RIMS4: variants seen among roughly 807,000 people sequenced by gnomAD.
The protein encoded by RIMS4 is regulating synaptic membrane exocytosis 4, also known as regulating synaptic membrane exocytosis protein 4.
In RIMS4, 9 loss-of-function variants were observed where a neutral mutation model predicts 29.0. That is an observed-to-expected ratio of 0.31 (90% CI 0.19 to 0.54). The LOEUF is 0.54. Among genes scored for constraint, RIMS4 ranks in the 20% least tolerant of loss-of-function variants. The pLI is 0.94. For missense variants in RIMS4, 193 were observed against 365.7 expected, an observed-to-expected ratio of 0.53 and a Z score of 3.85; for synonymous variants, 130 against 152.9, an observed-to-expected ratio of 0.85 and a Z score of 1.10.
chr20:44,790,190 A>G (rs1026050421), intron 1 of RIMS4, among the ~76,000 whole-genome samples: 46 of 152,380 alleles, frequency 3.0e-4, no homozygotes, highest in African/African-American at 1.1e-3. Context: ...CGAAAGGCAC[A>G]TGCAGCGCAG....
intron 1 of RIMS4, among the ~76,000 whole-genome samples, chr20:44,781,937 A>C (rs1356396636): frequency 6.6e-6 from 1 of 152,210 alleles, no homozygotes; most frequent in Non-Finnish European, 1.5e-5. Flanking sequence ...GCCATGATGC[A>C]CATACCAGGT....
chr20:44,760,547 A>G (rs2066079969), intron 2 of RIMS4, among the ~76,000 whole-genome samples: 1 of 152,122 alleles, frequency 6.6e-6, no homozygotes, highest in Admixed American at 6.5e-5. Context: ...GTTCCAGGAG[A>G]CACCAGGATG....
In RIMS4 at chr20:44,755,910, C is replaced by T. The variant is rs2066057461; in HGVS notation, c.*224G>A. On this transcript the variant is annotated 3_prime_UTR_variant, in exon 6 of 6. Coordinates refer to ENST00000372851, the MANE Select transcript of RIMS4 (RefSeq NM_182970.4). Reference sequence around the variant, plus strand: ...CACATCCACCAGGTCAAGAACCGGCCAAGTCAAAAGTGTAGCCAATCCCGT... The same window carrying T: ...CACATCCACCAGGTCAAGAACCGGCTAAGTCAAAAGTGTAGCCAATCCCGT... 7.6e-6 allele frequency: 4 copies of T among 525,176 alleles called. No individual in the cohort carries two copies. The highest frequency in any genetic ancestry group is 3.8e-5 in the African/African-American group (2 of 52,346). 32.5% of individuals were successfully genotyped at this position (525,176 alleles called of 1,614,324 possible).
intron 2 of RIMS4, among the ~76,000 whole-genome samples, chr20:44,762,288 AG>A (rs1423008953): frequency 6.6e-6 from 1 of 151,964 alleles, no homozygotes; most frequent in African/African-American, 2.4e-5. Flanking sequence ...CCCCTGGGGG[AG>A]GCCCCTGGGG....
intron 2 of RIMS4, among the ~76,000 whole-genome samples, chr20:44,764,067 TATCCATCCATCC>T (rs1170004249): frequency 2.2e-4 from 20 of 90,160 alleles, no homozygotes; most frequent in African/African-American, 9.7e-4. Context: ...TCCATCCATT[TATCCATCCATCC>T]ATCCATCCAT....
intron 1 of RIMS4, among the ~76,000 whole-genome samples, chr20:44,784,785 C>A (rs1022450457): frequency 2.0e-5 from 3 of 152,248 alleles, no homozygotes; most frequent in Non-Finnish European, 4.4e-5. Flanking sequence ...TTGGCTAAGG[C>A]ACCTCCCTTG....
chr20:44,775,125 C>A (rs918442017), intron 1 of RIMS4, among the ~76,000 whole-genome samples: 6 of 152,136 alleles, frequency 3.9e-5, no homozygotes, highest in Admixed American at 2.6e-4. Flanking sequence ...GGTGGAAGCC[C>A]CTGAGATGTT....
chr20:44,771,733 T>C lies in RIMS4; in HGVS notation c.98-320A>G, dbSNP rs182089842. Among the ~76,000 whole-genome samples, 16 of 152,346 alleles carry C rather than the reference T, an allele frequency of 1.1e-4. No homozygotes were observed. The East Asian group carries it at 3.1e-3, about 29-fold the overall frequency. Reference sequence around the variant, plus strand: ...GCTACTATTTATTGAGCACCTACTATGTGTCCTACTGTGTCAAGTGCTTTG... The same window carrying C: ...GCTACTATTTATTGAGCACCTACTACGTGTCCTACTGTGTCAAGTGCTTTG... On this transcript the variant is annotated intron_variant, in intron 1 of 5. Transcript: ENST00000372851.
intron 1 of RIMS4, among the ~76,000 whole-genome samples, chr20:44,807,732 A>G (rs1448442854): frequency 2.0e-5 from 3 of 152,250 alleles, no homozygotes; most frequent in Non-Finnish European, 4.4e-5. Context: ...TTTAAGGAGA[A>G]CAGGAGAAAT....
In RIMS4 at chr20:44,755,891, C is replaced by T; in HGVS notation, c.*243G>A. The T allele has an allele frequency of 2.0e-6, 1 of 499,376 alleles. No homozygotes were observed. Among genetic ancestry groups the T allele is most frequent in the Non-Finnish European group, 3.6e-6 (1 of 277,830 alleles). The allele number at this position is 499,376 out of a possible 1,614,324, so 30.9% of individuals were successfully genotyped here. A position where few individuals can be genotyped will look rare whatever the true frequency, so the allele number is the denominator to read the frequency against. ...CCTTTCTCTGGACTGCAGCCACATC[C>T]ACCAGGTCAAGAACCGGCCAAGTCA... is the stretch of plus-strand genomic sequence containing the variant. On this transcript the variant is annotated 3_prime_UTR_variant, in exon 6 of 6. Coordinates refer to ENST00000372851, the MANE Select transcript of RIMS4 (RefSeq NM_182970.4).
intron 2 of RIMS4, among the ~76,000 whole-genome samples, chr20:44,770,021 CA>C (rs1364161919): frequency 6.6e-6 from 1 of 152,222 alleles, no homozygotes; most frequent in Middle Eastern, 3.2e-3. Context: ...ATGGCTAGTG[CA>C]ATAGAAGAAC....
chr20:44,808,139 ACACT>A (rs1452661147), intron 1 of RIMS4, among the ~76,000 whole-genome samples: 1 of 151,826 alleles, frequency 6.6e-6, no homozygotes, highest in Non-Finnish European at 1.5e-5. Flanking sequence ...ACACACACAA[ACACT>A]CACACAAATA....
At chr20:44,798,498 T>C (rs1028655999) in intron 1 of RIMS4, among the ~76,000 whole-genome samples, 11 of 152,182 alleles carry the variant, frequency 7.2e-5, no homozygotes, top group African/African-American at 2.7e-4. Context: ...CTCCCCACTC[T>C]GTAGTCAGGG....
At chr20:44,777,673 A>G (rs1444220511) in intron 1 of RIMS4, among the ~76,000 whole-genome samples, 1 of 152,180 alleles carries the variant, frequency 6.6e-6, no homozygotes, top group Non-Finnish European at 1.5e-5. Context: ...AGGGAGAAGG[A>G]GAGAACTCAA....
chr20:44,793,248 T>C (rs1278711738), intron 1 of RIMS4, among the ~76,000 whole-genome samples: 1 of 152,210 alleles, frequency 6.6e-6, no homozygotes, highest in Non-Finnish European at 1.5e-5. Flanking sequence ...AATGGAGGAC[T>C]TCATACTTAT....
In RIMS4 at chr20:44,755,958, G is replaced by A. The variant is rs1601015300; in HGVS notation, c.*176C>T. 3 of 587,444 alleles carry A rather than the reference G, an allele frequency of 5.1e-6. No individual in the cohort carries two copies. The highest frequency in any genetic ancestry group is 9.1e-6 in the Non-Finnish European group (3 of 330,492). The allele number at this position is 587,444 out of a possible 1,614,324, so 36.4% of individuals were successfully genotyped here. A position where few individuals can be genotyped will look rare whatever the true frequency, so the allele number is the denominator to read the frequency against. ...CGTTGGGAGAGGGGAGGTCTCGGGG[G>A]TAGGAGGCAAAGAAGGGGTGAGGAG... On this transcript the variant is annotated 3_prime_UTR_variant, in exon 6 of 6. Coordinates refer to ENST00000372851, the MANE Select transcript of RIMS4 (RefSeq NM_182970.4).
chr20:44,797,938 G>A (rs979297702), intron 1 of RIMS4, among the ~76,000 whole-genome samples: 19 of 152,190 alleles, frequency 1.2e-4, no homozygotes, highest in African/African-American at 4.6e-4. Context: ...GACTTGCCCA[G>A]GGTCAGTTGG....
chr20:44,756,102 G>T lies in RIMS4; in HGVS notation c.*32C>A. On this transcript the variant is annotated 3_prime_UTR_variant, in exon 6 of 6. Coordinates refer to ENST00000372851, the MANE Select transcript of RIMS4 (RefSeq NM_182970.4). The surrounding 1 kb of genome is among the most constrained non-coding windows in gnomAD (Gnocchi z 5.9). ...CAGGTCAGGGCTGGGTGGTCTCCAG[G>T]CCATCTTGGGGAGCCCCTCCCCATT... The T allele has an allele frequency of 6.5e-7, 1 of 1,537,858 alleles. No homozygotes were observed. Among genetic ancestry groups the T allele is most frequent in the Non-Finnish European group, 8.9e-7 (1 of 1,127,324 alleles).
At chr20:44,759,945 G>A (rs1215704322) in intron 2 of RIMS4, among the ~76,000 whole-genome samples, 2 of 152,204 alleles carry the variant, frequency 1.3e-5, no homozygotes, top group African/African-American at 2.4e-5. Context: ...CCCCTGGCTT[G>A]CTTTCCCCAT....
Sources: allele counts gnomAD v4.1 joint callset (sites outside exome capture counted in the v4.1 genomes callset), GRCh38; gene constraint gnomAD v4.1.1; non-coding constraint Gnocchi (gnomAD v3.1); transcripts MANE v1.5; gene names NCBI Gene and HGNC (gene_info 2026-07-23, HGNC 2026-07-21).